SPINK2: variants seen among roughly 807,000 people sequenced by gnomAD.
The protein encoded by SPINK2 is serine protease inhibitor Kazal-type 2.
SPINK2 carries 8 observed loss-of-function variants against 13.5 expected under a neutral mutation model. The observed-to-expected ratio is 0.59, with a 90% CI of 0.35 to 1.07. The LOEUF (loss-of-function observed/expected upper bound fraction) is 1.07, where lower values mean the gene tolerates loss of function less well. Ranked by LOEUF, SPINK2 falls within the 50% of genes least tolerant of loss-of-function variation. The probability of loss-of-function intolerance (pLI) is 0.02; values close to 1 mark genes in which losing one functional copy is unlikely to be tolerated. For synonymous variants in SPINK2, 76 were observed against 74.7 expected, an observed-to-expected ratio of 1.02 and a Z score of -0.09; for missense variants, 148 against 180.3, an observed-to-expected ratio of 0.82 and a Z score of 1.03.
intron 2 of SPINK2, among the ~76,000 whole-genome samples, chr4:56,816,411 G>A (rs543142224): frequency 2.0e-5 from 3 of 152,046 alleles, no homozygotes; most frequent in African/African-American, 7.2e-5. Context: ...CACCACTTTG[G>A]GAGGCCGAGG....
At chr4:56,818,534 G>A (rs1030849147) in intron 2 of SPINK2, among the ~76,000 whole-genome samples, 1 of 152,090 alleles carries the variant, frequency 6.6e-6, no homozygotes, top group Non-Finnish European at 1.5e-5. Context: ...GGTGGCACAT[G>A]CCTGTAGTCT....
chr4:56,821,481 C>T lies in SPINK2; in HGVS notation c.182G>A (p.Gly61Asp), dbSNP rs1260689033. 16 of 1,532,632 alleles carry T rather than the reference C, an allele frequency of 1.0e-5. No homozygotes were observed. The highest frequency in any genetic ancestry group is 1.3e-5 in the Non-Finnish European group (15 of 1,143,958). The allele number at this position is 1,532,632 out of a possible 1,614,324, so 94.9% of individuals were successfully genotyped here. The change falls in exon 1 of 4, where the codon GGC becomes GAC. Residue 61 changes from glycine (G) to aspartate (D), a missense_variant. By Grantham distance (94) the Gly-to-Asp change is moderately conservative (BLOSUM62 -1). Transcript: ENST00000506738. The stretch of plus-strand genomic sequence containing the variant: ...ACCTGGCAGGTCCTCTGGGGAACCG[C>T]CAGTAACGGGCGCGCGGGTACCGTC... ...LGDGTRAPVT[G>D]GSPEDLPASL...
intron 2 of SPINK2, among the ~76,000 whole-genome samples, chr4:56,819,082 A>AT (rs1717706519): frequency 6.6e-6 from 1 of 152,148 alleles, no homozygotes; most frequent in South Asian, 2.1e-4. Flanking sequence ...TGAAATAATG[A>AT]TCCCTACCTC....
At chr4:56,818,522 G>A (rs563871217) in intron 2 of SPINK2, among the ~76,000 whole-genome samples, 11 of 152,214 alleles carry the variant, frequency 7.2e-5, no homozygotes, top group East Asian at 1.9e-4. Context: ...TTAGCCGGGC[G>A]TGGTGGCACA....
intron 2 of SPINK2, among the ~76,000 whole-genome samples, chr4:56,812,186 G>A (rs1447765603): frequency 2.7e-5 from 4 of 150,382 alleles, no homozygotes; most frequent in South Asian, 2.1e-4. Flanking sequence ...GAGCCACTGC[G>A]CCTGGCAAAA....
Position 56,821,456 on chromosome 4 carries a change from A to G in SPINK2, c.205+2T>C. The stretch of plus-strand genomic sequence containing the variant: ...CACAACCCCCAGTTCGCGTTCCTCC[A>G]CCTGGCAGGTCCTCTGGGGAACCGC... On this transcript the variant is annotated splice_donor_variant, in intron 1 of 3. Coordinates refer to ENST00000506738, the MANE Select transcript of SPINK2 (RefSeq NM_001271718.2). LOFTEE classifies it high-confidence loss of function. 6.6e-7 allele frequency: 1 copy of G among 1,516,600 alleles called. No homozygotes were observed. The highest frequency in any genetic ancestry group is 8.8e-7 in the Non-Finnish European group (1 of 1,137,384). The allele number at this position is 1,516,600 out of a possible 1,614,324, so 93.9% of individuals were successfully genotyped here.
intron 2 of SPINK2, among the ~76,000 whole-genome samples, chr4:56,814,700 G>A (rs1336519459): frequency 6.6e-6 from 1 of 151,956 alleles, no homozygotes; most frequent in Non-Finnish European, 1.5e-5. Flanking sequence ...GGTGGCTCAT[G>A]CCTGTAATCC....
intron 2 of SPINK2, among the ~76,000 whole-genome samples, chr4:56,817,791 T>C (rs762035560): frequency 2.0e-5 from 3 of 151,376 alleles, no homozygotes; most frequent in Non-Finnish European, 2.9e-5. Context: ...CAGATGGAGG[T>C]TGCAGTGAGC....
intron 2 of SPINK2, among the ~76,000 whole-genome samples, chr4:56,816,942 C>T (rs556765400): frequency 4.6e-5 from 7 of 152,000 alleles, no homozygotes; most frequent in East Asian, 3.9e-4. Context: ...CGGTGGCTCA[C>T]GCCTATAACC....
intron 2 of SPINK2, among the ~76,000 whole-genome samples, chr4:56,816,417 C>G (rs926117611): frequency 6.6e-6 from 1 of 151,596 alleles, no homozygotes; most frequent in Non-Finnish European, 1.5e-5. Context: ...TTTGGGAGGC[C>G]GAGGTGGGAG....
At chr4:56,810,857 T>G (rs1193517227) in intron 3 of SPINK2, among the ~76,000 whole-genome samples, 1 of 148,906 alleles carries the variant, frequency 6.7e-6, no homozygotes. Flanking sequence ...CCGACTAAGG[T>G]CAAATAATGA....
chr4:56,816,418 G>A (rs1238176246), intron 2 of SPINK2, among the ~76,000 whole-genome samples: 2 of 151,876 alleles, frequency 1.3e-5, no homozygotes, highest in Non-Finnish European at 2.9e-5. Flanking sequence ...TTGGGAGGCC[G>A]AGGTGGGAGG....
Position 56,810,133 on chromosome 4 carries a change from G to C in SPINK2, c.*6C>G. On this transcript the variant is annotated 3_prime_UTR_variant, in exon 4 of 4. Coordinates refer to ENST00000506738, the MANE Select transcript of SPINK2 (RefSeq NM_001271718.2). ...CTCTCCATCTTCTTTTCTGTAAACT[G>C]CTCCATCAGCAGGGTCCATTTCGAA... The C allele has an allele frequency of 6.2e-7, 1 of 1,607,032 alleles. No individual in the cohort carries two copies. The highest frequency in any genetic ancestry group is 1.7e-4 in the Middle Eastern group (1 of 6,056).
chr4:56,812,563 C>CAAAAAAAAAAAAAAA (rs57162077), intron 2 of SPINK2, among the ~76,000 whole-genome samples: 5 of 16,370 alleles, frequency 3.1e-4, no homozygotes, highest in Admixed American at 1.7e-3. Flanking sequence ...AACTCCATCT[C>CAAAAAAAAAAAAAAA]AAAAAAAAAA....
rs1716841646 is a variant in SPINK2 at position 56,809,942 on chromosome 4, A to G, written c.*197T>C. The stretch of plus-strand genomic sequence containing the variant: ...CAGTAAGCTTAACTCCAGGAGCAAA[A>G]GCCAAGAAACAAGGATTCTTTTTTT... On this transcript the variant is annotated 3_prime_UTR_variant, in exon 4 of 4. Transcript: ENST00000506738. The G allele has an allele frequency of 7.0e-7, 1 of 1,435,164 alleles. No individual in the cohort carries two copies. Among genetic ancestry groups the G allele is most frequent in the Non-Finnish European group, 9.1e-7 (1 of 1,092,922 alleles). The allele number at this position is 1,435,164 out of a possible 1,614,324, so 88.9% of individuals were successfully genotyped here. A position where few individuals can be genotyped will look rare whatever the true frequency, so the allele number is the denominator to read the frequency against.
At chr4:56,814,076 A>G (rs1717228410) in intron 2 of SPINK2, among the ~76,000 whole-genome samples, 1 of 150,740 alleles carries the variant, frequency 6.6e-6, no homozygotes, top group East Asian at 2.0e-4. Flanking sequence ...GGCACCCACC[A>G]CCACGCCCGG....
chr4:56,814,052 TG>T (rs1285652132), intron 2 of SPINK2, among the ~76,000 whole-genome samples: 3 of 151,174 alleles, frequency 2.0e-5, no homozygotes, highest in Admixed American at 6.6e-5. Flanking sequence ...GCCTCCCATA[TG>T]GGTAGGATTA....
At chr4:56,816,964 G>T (rs1717507000) in intron 2 of SPINK2, among the ~76,000 whole-genome samples, 1 of 152,068 alleles carries the variant, frequency 6.6e-6, no homozygotes, top group African/African-American at 2.4e-5. Flanking sequence ...AGCACTTGGG[G>T]AGGCTGAGCC....
chr4:56,818,174 A>C (rs981370859), intron 2 of SPINK2: 1 of 152,218 alleles, frequency 6.6e-6, no homozygotes, highest in African/African-American at 2.4e-5. Flanking sequence ...GGAAATAAGG[A>C]AGAAAAACCA....
Sources: allele counts gnomAD v4.1 joint callset (sites outside exome capture counted in the v4.1 genomes callset), GRCh38; gene constraint gnomAD v4.1.1; transcripts MANE v1.5; gene names NCBI Gene and HGNC (gene_info 2026-07-23, HGNC 2026-07-21).